The following MACROD2 variants were observed in gnomAD, a reference collection of about 807,000 sequenced individuals.
The protein encoded by MACROD2 is mono-ADP ribosylhydrolase 2.
In MACROD2, 36 loss-of-function variants were observed where a neutral mutation model predicts 70.4. The observed-to-expected ratio is 0.51, with a 90% CI of 0.39 to 0.68. The LOEUF is 0.68. MACROD2 is among the 30% of genes least tolerant of loss of function. The probability of loss-of-function intolerance (pLI) is 0.00; values close to 1 mark genes in which losing one functional copy is unlikely to be tolerated. For missense variants in MACROD2, 496 were observed against 538.4 expected, an observed-to-expected ratio of 0.92 and a Z score of 0.78; for synonymous variants, 172 against 178.8, an observed-to-expected ratio of 0.96 and a Z score of 0.30.
intron 12 of MACROD2, among the ~76,000 whole-genome samples, chr20:15,944,993 T>A (rs1442610363): frequency 6.6e-6 from 1 of 152,152 alleles, no homozygotes; most frequent in Non-Finnish European, 1.5e-5. Context: ...AAGAGTCTAA[T>A]CTCTTCTTCC....
At chr20:14,296,488 A>G (rs531542882) in intron 3 of MACROD2, among the ~76,000 whole-genome samples, 27 of 152,132 alleles carry the variant, frequency 1.8e-4, no homozygotes, top group Non-Finnish European at 2.9e-4. Flanking sequence ...AACTACGTGT[A>G]TACATAACTT....
intron 3 of MACROD2, among the ~76,000 whole-genome samples, chr20:14,371,639 C>T (rs1488519246): frequency 1.1e-4 from 16 of 151,908 alleles, no homozygotes; most frequent in Non-Finnish European, 5.9e-5. Flanking sequence ...GAATAGTGAG[C>T]ATTTACTATA....
intron 3 of MACROD2, among the ~76,000 whole-genome samples, chr20:14,480,495 T>G (rs907508318): frequency 2.6e-5 from 4 of 152,178 alleles, no homozygotes; most frequent in African/African-American, 7.2e-5. Context: ...GACATTAGAA[T>G]TACAACTAGT....
At chr20:14,790,275 AAC>A (rs1568797368) in intron 5 of MACROD2, among the ~76,000 whole-genome samples, 6 of 151,994 alleles carry the variant, frequency 3.9e-5, no homozygotes, top group African/African-American at 1.5e-4. Flanking sequence ...TTAAAAAAAA[AAC>A]AAATATTTTA....
At chr20:16,031,240 AG>A (rs939564689) in intron 15 of MACROD2, among the ~76,000 whole-genome samples, 3 of 152,126 alleles carry the variant, frequency 2.0e-5, no homozygotes, top group African/African-American at 4.8e-5. Context: ...GAAGAAAAGA[AG>A]GGAGGTAGAA....
At chr20:15,877,724 C>A (rs142499386) in intron 9 of MACROD2, among the ~76,000 whole-genome samples, 46 of 152,178 alleles carry the variant, frequency 3.0e-4, no homozygotes, top group Non-Finnish European at 5.3e-4. Flanking sequence ...TTTCTTTTTT[C>A]TGCAAATCCA....
At chr20:15,418,750 CCTT>C (rs915419072) in intron 6 of MACROD2, among the ~76,000 whole-genome samples, 46 of 152,194 alleles carry the variant, frequency 3.0e-4, no homozygotes, top group African/African-American at 1.0e-3. Context: ...AGGAACACTG[CCTT>C]CTTCTTAAGG....
At chr20:15,465,947 G>C (rs1415885675) in intron 7 of MACROD2, among the ~76,000 whole-genome samples, 1 of 152,218 alleles carries the variant, frequency 6.6e-6, no homozygotes, top group Non-Finnish European at 1.5e-5. Context: ...ACAGTGATAA[G>C]CAAGTAACAC....
At chr20:14,147,867 T>A (rs970141017) in intron 3 of MACROD2, among the ~76,000 whole-genome samples, 2 of 152,134 alleles carry the variant, frequency 1.3e-5, no homozygotes, top group Non-Finnish European at 2.9e-5. Context: ...GATCTCACTC[T>A]TTTTTCTTTT....
chr20:15,758,193 G>A (rs1349936191), intron 8 of MACROD2, among the ~76,000 whole-genome samples: 1 of 151,644 alleles, frequency 6.6e-6, no homozygotes, highest in Non-Finnish European at 1.5e-5. Context: ...TATATGATAA[G>A]GGTGTCTCAG....
chr20:14,435,660 ATTC>A (rs1202655660), intron 3 of MACROD2, among the ~76,000 whole-genome samples: 1 of 152,154 alleles, frequency 6.6e-6, no homozygotes, highest in Non-Finnish European at 1.5e-5. Context: ...AAATAGAATT[ATTC>A]TTATATTACT....
intron 4 of MACROD2, among the ~76,000 whole-genome samples, chr20:14,678,679 T>C (rs574249888): frequency 1.3e-5 from 2 of 152,248 alleles, no homozygotes; most frequent in African/African-American, 2.4e-5. Context: ...ATGTGAGAAG[T>C]GCTACTGTGT....
chr20:14,645,753 T>G (rs1485784381), intron 4 of MACROD2, among the ~76,000 whole-genome samples: 1 of 151,976 alleles, frequency 6.6e-6, no homozygotes, highest in Non-Finnish European at 1.5e-5. Context: ...CTTTCAAAAG[T>G]ACGTGGTGCT....
At chr20:14,005,103 G>A (rs2052795811) in intron 2 of MACROD2, among the ~76,000 whole-genome samples, 1 of 151,952 alleles carries the variant, frequency 6.6e-6, no homozygotes, top group Non-Finnish European at 1.5e-5. Flanking sequence ...GTAACAATTT[G>A]GATTTTAAGC....
chr20:14,930,796 T>A, intron 5 of MACROD2, among the ~76,000 whole-genome samples: 1 of 129,338 alleles, frequency 7.7e-6, no homozygotes. Flanking sequence ...AAAAAGTCTA[T>A]CTCCTGTTCC....
chr20:14,794,519 C>T (rs912844016), intron 5 of MACROD2, among the ~76,000 whole-genome samples: 2 of 151,922 alleles, frequency 1.3e-5, no homozygotes, highest in Admixed American at 1.3e-4. Context: ...AAACACTTTT[C>T]CAATAAATTT....
chr20:14,976,906 T>C (rs1283822329), intron 5 of MACROD2, among the ~76,000 whole-genome samples: 1 of 151,918 alleles, frequency 6.6e-6, no homozygotes, highest in Non-Finnish European at 1.5e-5. Context: ...GTCAGTACAG[T>C]CAATTATTAT....
At chr20:14,245,647 C>G (rs1043522986) in intron 3 of MACROD2, among the ~76,000 whole-genome samples, 1 of 152,128 alleles carries the variant, frequency 6.6e-6, no homozygotes, top group Non-Finnish European at 1.5e-5. Context: ...AAGAATCTGC[C>G]AGCTTCCTTT....
intron 5 of MACROD2, among the ~76,000 whole-genome samples, chr20:14,904,728 A>G (rs866029542): frequency 3.3e-5 from 5 of 152,206 alleles, no homozygotes; most frequent in African/African-American, 1.2e-4. Context: ...GAATAACAAT[A>G]GCTGTTTATC....
Sources: gnomAD v4.1 joint callset for allele counts (sites outside exome capture counted in the v4.1 genomes callset) on GRCh38, gnomAD v4.1.1 for gene constraint, MANE v1.5 for transcripts, NCBI Gene and HGNC (gene_info 2026-07-23, HGNC 2026-07-21) for gene names.